GRIK2: variants seen among roughly 807,000 people sequenced by gnomAD.
The protein encoded by GRIK2 is glutamate receptor ionotropic, kainate 2.
Under a neutral mutation model 100.3 loss-of-function variants are expected in GRIK2, and 32 were observed. That is an observed-to-expected ratio of 0.32 (90% confidence interval 0.24 to 0.43). The LOEUF (loss-of-function observed/expected upper bound fraction) is 0.43, where lower values mean the gene tolerates loss of function less well. GRIK2 is among the 20% of genes least tolerant of loss of function. The pLI, the probability that GRIK2 is intolerant of heterozygous loss-of-function variation, is 1.00. For synonymous variants in GRIK2, 417 were observed against 389.4 expected (o/e 1.07, Z -0.83); for missense variants, 843 against 1,114.9 (o/e 0.76, Z 3.47).
chr6:102,034,438 C>A (rs1770157569), intron 14 of GRIK2, among the ~76,000 whole-genome samples: 1 of 151,318 alleles, frequency 6.6e-6, no homozygotes, highest in Non-Finnish European at 1.5e-5. Flanking sequence ...TGATGAATAT[C>A]CTTCCTGTGT....
At chr6:101,509,752 C>G (rs1379027854) in intron 2 of GRIK2, among the ~76,000 whole-genome samples, 1 of 152,162 alleles carries the variant, frequency 6.6e-6, no homozygotes, top group Non-Finnish European at 1.5e-5. Context: ...GAAAGCAACA[C>G]ATGGATTCCA....
intron 14 of GRIK2, among the ~76,000 whole-genome samples, chr6:101,983,836 T>C (rs1334620916): frequency 6.6e-6 from 1 of 151,736 alleles, no homozygotes; most frequent in Non-Finnish European, 1.5e-5. Context: ...TTGGAAACCT[T>C]AGACTTCCAA....
chr6:101,761,270 G>C (rs1281026645), intron 7 of GRIK2, among the ~76,000 whole-genome samples: 2 of 152,088 alleles, frequency 1.3e-5, no homozygotes, highest in Non-Finnish European at 2.9e-5. Context: ...GGTATGTCTG[G>C]TGCTGAGCAA....
At chr6:101,893,172 G>A (rs1787215936) in intron 12 of GRIK2, among the ~76,000 whole-genome samples, 2 of 150,954 alleles carry the variant, frequency 1.3e-5, no homozygotes, top group African/African-American at 2.4e-5. Flanking sequence ...TATGTCTTAT[G>A]TCATATAGAG....
chr6:101,589,424 C>A (rs1778538053), intron 2 of GRIK2, among the ~76,000 whole-genome samples: 1 of 152,048 alleles, frequency 6.6e-6, no homozygotes, highest in South Asian at 2.1e-4. Context: ...GTTTTGTAAC[C>A]TTTGACCAAT....
chr6:101,441,481 T>C (rs1770050563), intron 2 of GRIK2, among the ~76,000 whole-genome samples: 1 of 152,194 alleles, frequency 6.6e-6, no homozygotes, highest in Non-Finnish European at 1.5e-5. Context: ...ATCTTAAAAC[T>C]GTATATGCTT....
At chr6:101,502,795 T>G (rs1466520055) in intron 2 of GRIK2, among the ~76,000 whole-genome samples, 1 of 152,136 alleles carries the variant, frequency 6.6e-6, no homozygotes, top group Non-Finnish European at 1.5e-5. Flanking sequence ...AAAACTTACT[T>G]TCTACTATTA....
intron 14 of GRIK2, among the ~76,000 whole-genome samples, chr6:102,006,385 TATA>T (rs1271620823): frequency 4.3e-5 from 5 of 117,146 alleles, no homozygotes; most frequent in African/African-American, 2.3e-4. Context: ...TATATATATA[TATA>T]TATTTTTTTT....
At chr6:101,567,544 TG>T in intron 2 of GRIK2, among the ~76,000 whole-genome samples, 1 of 152,118 alleles carries the variant, frequency 6.6e-6, no homozygotes, top group East Asian at 1.9e-4. Context: ...CTTCACATTC[TG>T]GGCAAATGGA....
At chr6:101,441,044 C>T (rs979576818) in intron 2 of GRIK2, among the ~76,000 whole-genome samples, 9 of 150,056 alleles carry the variant, frequency 6.0e-5, no homozygotes, top group African/African-American at 2.2e-4. Context: ...GTGTTGCAAT[C>T]ATAGCTCACT....
At chr6:102,031,638 C>G (rs55776914) in intron 14 of GRIK2, among the ~76,000 whole-genome samples, 12,636 of 150,882 alleles carry the variant, frequency 0.084, 1,803 homozygotes, top group African/African-American at 0.29. Flanking sequence ...CTTGGTAATC[C>G]CCCGTGTCTA....
intron 4 of GRIK2, among the ~76,000 whole-genome samples, chr6:101,646,748 A>T (rs1781543629): frequency 6.6e-6 from 1 of 151,954 alleles, no homozygotes; most frequent in Non-Finnish European, 1.5e-5. Flanking sequence ...CCCGCCTGAT[A>T]GAGAAATTAA....
At chr6:101,893,177 A>T (rs1445752363) in intron 12 of GRIK2, among the ~76,000 whole-genome samples, 1 of 151,204 alleles carries the variant, frequency 6.6e-6, no homozygotes, top group African/African-American at 2.4e-5. Flanking sequence ...CTTATGTCAT[A>T]TAGAGGTCAC....
chr6:101,775,580 G>T (rs1197679244), intron 7 of GRIK2, among the ~76,000 whole-genome samples: 1 of 150,172 alleles, frequency 6.7e-6, no homozygotes, highest in East Asian at 2.0e-4. Context: ...ACACATTACT[G>T]TATAGTTTAT....
chr6:101,631,852 T>A (rs555907697), intron 4 of GRIK2, among the ~76,000 whole-genome samples: 24 of 152,190 alleles, frequency 1.6e-4, no homozygotes, highest in Admixed American at 9.8e-4. Flanking sequence ...GTAATTTTTT[T>A]AAAAATGCAA....
chr6:101,474,075 A>G (rs1266020126), intron 2 of GRIK2, among the ~76,000 whole-genome samples: 1 of 151,842 alleles, frequency 6.6e-6, no homozygotes, highest in Non-Finnish European at 1.5e-5. Context: ...TAATGCTCTC[A>G]GAGGAGGTGG....
At chr6:101,867,325 G>A (rs541074071) in intron 11 of GRIK2, among the ~76,000 whole-genome samples, 5 of 151,974 alleles carry the variant, frequency 3.3e-5, no homozygotes, top group East Asian at 1.9e-4. Context: ...AATCTCAGAC[G>A]ATAGAGACAT....
At chr6:101,544,294 T>C (rs947942421) in intron 2 of GRIK2, among the ~76,000 whole-genome samples, 1 of 152,204 alleles carries the variant, frequency 6.6e-6, no homozygotes, top group Non-Finnish European at 1.5e-5. Context: ...CTTGAACTGA[T>C]AGATCATCTG....
chr6:101,702,326 GA>G (rs1462192809), intron 7 of GRIK2, among the ~76,000 whole-genome samples: 1 of 151,956 alleles, frequency 6.6e-6, no homozygotes, highest in East Asian at 1.9e-4. Flanking sequence ...GCAGACCCAT[GA>G]AAAAGGTCTT....
Sources: gnomAD v4.1 joint callset for allele counts (sites outside exome capture counted in the v4.1 genomes callset) on GRCh38, gnomAD v4.1.1 for gene constraint, MANE v1.5 for transcripts, NCBI Gene and HGNC (gene_info 2026-07-23, HGNC 2026-07-21) for gene names.